STMP1: variants seen among roughly 807,000 people sequenced by gnomAD.
STMP1 encodes the protein mitolamban.
STMP1 carries 7 observed loss-of-function variants against 7.0 expected under a neutral mutation model. That is an observed-to-expected ratio of 1.01 (90% confidence interval 0.57 to 1.89). The LOEUF is 1.89. Among genes scored for constraint, STMP1 ranks in the 40% most tolerant of loss-of-function variants. STMP1 has a pLI of 0.00. For synonymous variants in STMP1, 19 were observed against 18.4 expected (o/e 1.03, Z -0.08); for missense variants, 45 against 53.0 (o/e 0.85, Z 0.47).
At chr7:135,666,087 C>G (rs191647537) in intron 1 of STMP1, among the ~76,000 whole-genome samples, 4 of 152,078 alleles carry the variant, frequency 2.6e-5, no homozygotes, top group Non-Finnish European at 5.9e-5. Flanking sequence ...CATATGCCAC[C>G]ACACCTGGCT....
rs908957039 is a variant in STMP1, at chr7:135,675,188, G to A, written c.*1023G>A. 6.6e-6 allele frequency: 1 copy of A among 152,050 alleles called. No individual in the cohort carries two copies. Among genetic ancestry groups the A allele is most frequent in the African/African-American group, 2.4e-5 (1 of 41,394 alleles). 9.4% of individuals were successfully genotyped at this position (152,050 alleles called of 1,614,324 possible). A position where few individuals can be genotyped will look rare whatever the true frequency, so the allele number is the denominator to read the frequency against. ...ATAATTAACTTTTGCCATGGGACAA[G>A]ATACAAAAGTAATTTCATATAAAGG... On this transcript the variant is annotated 3_prime_UTR_variant, in exon 3 of 3. Transcript: ENST00000507606.
intron 1 of STMP1, among the ~76,000 whole-genome samples, chr7:135,669,039 C>T (rs980627181): frequency 4.6e-5 from 7 of 152,224 alleles, no homozygotes; most frequent in African/African-American, 1.7e-4. Context: ...TAACGTCTTA[C>T]ATGGATGGCA....
At chr7:135,666,769 A>G (rs1248422436) in intron 1 of STMP1, among the ~76,000 whole-genome samples, 1 of 152,232 alleles carries the variant, frequency 6.6e-6, no homozygotes, top group African/African-American at 2.4e-5. Context: ...TTATTTCACC[A>G]GTTGATGGAC....
At chr7:135,668,767 A>G (rs936491345) in intron 1 of STMP1, among the ~76,000 whole-genome samples, 1 of 151,822 alleles carries the variant, frequency 6.6e-6, no homozygotes, top group Non-Finnish European at 1.5e-5. Flanking sequence ...AATTCTCTCC[A>G]TTCTTTAACT....
In STMP1 at chr7:135,674,248, GT is replaced by G. The variant is rs1040123761; in HGVS notation, c.*87del. 8.2e-6 allele frequency: 9 copies of G among 1,100,204 alleles called. No individual in the cohort carries two copies. The highest frequency in any genetic ancestry group is 3.2e-5 in the African/African-American group (2 of 62,242). The allele number at this position is 1,100,204 out of a possible 1,614,324, so 68.2% of individuals were successfully genotyped here. On this transcript the variant is annotated 3_prime_UTR_variant, in exon 3 of 3. Transcript: ENST00000507606. The stretch of plus-strand genomic sequence containing the variant: ...TTTACTATCTGAACCAAAAGCTTTT[GT>G]TTTCGTCTCCAGCCTCAGCACTTCT...
chr7:135,669,651 A>G (rs1286416628), intron 1 of STMP1, among the ~76,000 whole-genome samples: 1 of 152,246 alleles, frequency 6.6e-6, no homozygotes, highest in Non-Finnish European at 1.5e-5. Flanking sequence ...GTACCTCGGT[A>G]CTTAACACCC....
Position 135,674,217 on chromosome 7 carries a change from GCCT to G in STMP1, c.*54_*56del, listed in dbSNP as rs1795386379. 3 of 1,350,806 alleles carry G rather than the reference GCCT, an allele frequency of 2.2e-6. No homozygotes were observed. In the East Asian group the frequency reaches 7.6e-5, roughly 34 times the overall value. The allele number at this position is 1,350,806 out of a possible 1,614,324, so 83.7% of individuals were successfully genotyped here. ...TATACTGATTCTACTGCTCTTGAGG[GCCT>G]CGTTTACTATCTGAACCAAAAGCTT... is the stretch of plus-strand genomic sequence containing the variant. On this transcript the variant is annotated 3_prime_UTR_variant, in exon 3 of 3. Coordinates refer to ENST00000507606, the MANE Select transcript of STMP1 (RefSeq NM_001130929.2).
chr7:135,673,965 C>G (rs1795383255), intron 2 of STMP1, 126 bp from the exon 3 acceptor site: 2 of 668,908 alleles, frequency 3.0e-6, no homozygotes, highest in East Asian at 5.5e-5. Context: ...GAAATAACCA[C>G]TATTTAGCAG....
rs946735178 is a variant in STMP1, at chr7:135,667,172, A to G, written c.15+4578A>G. On this transcript the variant is annotated intron_variant, in intron 1 of 2. Coordinates refer to ENST00000507606, the MANE Select transcript of STMP1 (RefSeq NM_001130929.2). ...GTTGACTGTTTGTAGCTTTGGAGAA[A>G]TCCTTTCACATCATTTGTCCATTTT... Among the ~76,000 whole-genome samples the G allele has an allele frequency of 7.9e-5, 12 of 151,982 alleles. 1 individual carries two copies. Among genetic ancestry groups the G allele is most frequent in the Admixed American group, 6.6e-4 (10 of 15,266 alleles).
Position 135,674,115 on chromosome 7 carries a change from G to T in STMP1, c.94G>T (p.Glu32Ter), listed in dbSNP as rs1197983277. The change falls in exon 3 of 3, where the codon GAA becomes TAA. Residue 32 changes from glutamate to a stop codon, truncating the protein, a stop_gained. Coordinates refer to ENST00000507606, the MANE Select transcript of STMP1 (RefSeq NM_001130929.2). LOFTEE classifies it high-confidence loss of function. Reference sequence around the variant, plus strand: ...GATACCAAACCTGGCTAAAAAACTTGAAGAAATTAAAAAGGACTTGGATGC... The same window carrying T: ...GATACCAAACCTGGCTAAAAAACTTTAAGAAATTAAAAAGGACTTGGATGC... ...YDIPNLAKKL[E>*]EIKKDLDAKK... The T allele has an allele frequency of 6.4e-7, 1 of 1,550,730 alleles. No homozygotes were observed. Among genetic ancestry groups the T allele is most frequent in the East Asian group, 2.4e-5 (1 of 40,900 alleles).
At chr7:135,669,975 A>T (rs940532369) in intron 1 of STMP1, among the ~76,000 whole-genome samples, 1 of 152,162 alleles carries the variant, frequency 6.6e-6, no homozygotes, top group East Asian at 1.9e-4. Flanking sequence ...TAGAGCTGAC[A>T]ATGCGATTCT....
At chr7:135,663,517 G>T (rs531124070) in intron 1 of STMP1, among the ~76,000 whole-genome samples, 1 of 151,976 alleles carries the variant, frequency 6.6e-6, no homozygotes, top group Non-Finnish European at 1.5e-5. Flanking sequence ...GCTAATTTTT[G>T]TATTTTTAGT....
At chr7:135,672,651 T>C (rs1311478005) in intron 1 of STMP1, 102 bp from the exon 2 acceptor site, 1 of 867,190 alleles carries the variant, frequency 1.2e-6, no homozygotes, top group East Asian at 2.6e-5. Context: ...CTTCTAACTG[T>C]CCTAAGCTTC....
At chr7:135,672,890 C>A in intron 2 of STMP1, 84 bp downstream of exon 2, 1 of 1,149,734 alleles carries the variant, frequency 8.7e-7, no homozygotes, top group Non-Finnish European at 1.3e-6. Context: ...GGTGTGACTT[C>A]CAGCATAAAT....
chr7:135,669,927 T>C (rs186264986), intron 1 of STMP1, among the ~76,000 whole-genome samples: 66 of 152,296 alleles, frequency 4.3e-4, no homozygotes, highest in Admixed American at 1.0e-3. Context: ...GATAATGGAT[T>C]GTGGAGCTTC....
Position 135,662,514 on chromosome 7 carries a change from A to T in STMP1, c.-66A>T. 6.7e-7 allele frequency: 1 copy of T among 1,498,686 alleles called. No homozygotes were observed. Among genetic ancestry groups the T allele is most frequent in the Non-Finnish European group, 9.0e-7 (1 of 1,113,006 alleles). 92.8% of individuals were successfully genotyped at this position (1,498,686 alleles called of 1,614,324 possible). A position where few individuals can be genotyped will look rare whatever the true frequency, so the allele number is the denominator to read the frequency against. On this transcript the variant is annotated 5_prime_UTR_variant, in exon 1 of 3. Coordinates refer to ENST00000507606, the MANE Select transcript of STMP1 (RefSeq NM_001130929.2). ...CCGCCCCCCCCGCGCATGGGGAGGT[A>T]GGCTCGGACCGGCCCGCGGAGCTGC...
At chr7:135,674,002 T>G in intron 2 of STMP1, 89 bp from the exon 3 acceptor site, 2 of 824,750 alleles carry the variant, frequency 2.4e-6, no homozygotes, top group Non-Finnish European at 3.9e-6. Context: ...GATAAAAGCT[T>G]GTAAAACCAT....
chr7:135,672,802 A>G lies in STMP1; in HGVS notation c.65A>G (p.Tyr22Cys), dbSNP rs1267014003. 1.3e-6 allele frequency: 2 copies of G among 1,551,200 alleles called. No individual in the cohort carries two copies. Among genetic ancestry groups the G allele is most frequent in the Non-Finnish European group, 1.7e-6 (2 of 1,146,672 alleles). ...GTTGGAATGTATCTGGCTCAGAACT[A>G]TGATGTAAGTGGCCATATCCATGAC... Reference protein sequence around the residue: ...NVVGMYLAQNYDIPNLAKKLE... With the variant: ...NVVGMYLAQNCDIPNLAKKLE... Residue 22 changes from tyrosine (Y) to cysteine (C), a missense_variant, in exon 2 of 3, where the codon TAT (tyrosine) becomes TGT (cysteine). Coordinates refer to ENST00000507606, the MANE Select transcript of STMP1 (RefSeq NM_001130929.2).
At chr7:135,669,483 C>CT (rs977013083) in intron 1 of STMP1, among the ~76,000 whole-genome samples, 37 of 152,284 alleles carry the variant, frequency 2.4e-4, no homozygotes, top group African/African-American at 8.7e-4. Context: ...TATAAGTTCT[C>CT]TAAGGGCAGA....
Sources: allele counts gnomAD v4.1 joint callset (sites outside exome capture counted in the v4.1 genomes callset), GRCh38; gene constraint gnomAD v4.1.1; transcripts MANE v1.5; gene names NCBI Gene and HGNC (gene_info 2026-07-23, HGNC 2026-07-21).